PERM1: variants seen among roughly 807,000 people sequenced by gnomAD.
PERM1 encodes the protein PPARGC1 and ESRR induced regulator, muscle 1.
In PERM1, 45 loss-of-function variants were observed where a neutral mutation model predicts 44.1. The observed-to-expected ratio is 1.02, with a 90% CI of 0.80 to 1.31. PERM1 has a LOEUF of 1.31. Among genes scored for constraint, PERM1 ranks in the 50% most tolerant of loss-of-function variants. The pLI is 0.00. For missense variants in PERM1, 1,189 were observed against 1,106.9 expected, an observed-to-expected ratio of 1.07 and a Z score of -1.05; for synonymous variants, 565 against 477.1, an observed-to-expected ratio of 1.18 and a Z score of -2.40.
intron 2 of PERM1, 21 bp from the exon 4 acceptor site, chr1:976,290 C>T: frequency 6.7e-7 from 1 of 1,485,672 alleles, no homozygotes. Context: ...AGCACAGGCT[C>T]TTCTGAGGGC....
exon 1 of PERM1, chr1:979,766 TAGC>T: frequency 6.5e-7 from 1 of 1,550,268 alleles, no homozygotes; most frequent in East Asian, 2.4e-5. Context: ...ACCTCTAGCT[TAGC>T]CACTGGGCCT....
upstream of PERM1, among the ~76,000 whole-genome samples, chr1:981,528 A>T (rs992446374): frequency 7.2e-5 from 11 of 152,200 alleles, no homozygotes; most frequent in African/African-American, 2.7e-4. Context: ...GGTCCATCCC[A>T]GTGCGCCCCA....
At chr1:976,473 C>G in intron 2 of PERM1, 26 bp downstream of exon 3, 2 of 1,549,412 alleles carry the variant, frequency 1.3e-6, no homozygotes, top group Non-Finnish European at 1.7e-6. Flanking sequence ...CTAGGCGCAG[C>G]TCCCTCTGCC....
At chr1:979,320 G>A (rs894371407) in exon 1 of PERM1, 79 of 1,533,958 alleles carry the variant, frequency 5.2e-5, no homozygotes, top group Admixed American at 1.2e-4. Flanking sequence ...TCCCGGGCCC[G>A]ACCCTCGTCA....
chr1:980,675 C>T (rs1243381260), exon 1 of PERM1: 8 of 1,425,746 alleles, frequency 5.6e-6, no homozygotes, highest in East Asian at 2.6e-5. Context: ...GGAGGGCTGG[C>T]GCCGGGGCCG....
exon 1 of PERM1, chr1:979,485 C>G: frequency 1.3e-6 from 2 of 1,547,796 alleles, no homozygotes; most frequent in African/African-American, 1.4e-5. Flanking sequence ...CTGAGCCTGG[C>G]TTATTGGGGC....
chr1:978,886 C>T (rs1007004165), exon 1 of PERM1: 8 of 1,486,040 alleles, frequency 5.4e-6, no homozygotes, highest in Middle Eastern at 2.2e-4. Flanking sequence ...CGTACCTGCC[C>T]GTCTAAGAGC....
chr1:979,150 C>T lies in PERM1; in HGVS notation c.1880G>A (p.Arg627Lys), dbSNP rs1473425016. 5.2e-6 allele frequency: 8 copies of T among 1,549,946 alleles called. No homozygotes were observed. The Admixed American group carries it at 9.8e-5, about 19-fold the overall frequency. Residue 627 changes from arginine to lysine, a missense_variant, in exon 1 of 3, where the codon AGG becomes AAG. Around this residue, in one of 3 missense-constraint regions of PERM1, gnomAD observed 900 missense variants for 760.4 expected, o/e 1.18. Transcript: ENST00000433179. The stretch of plus-strand genomic sequence containing the variant: ...CTCCGGGGACCCCCGCCGCCTCGAC[C>T]TCTGGGCTCCAACGTCTGGGAAGAA...
chr1:976,006 G>T, exon 3 of PERM1: 2 of 685,456 alleles, frequency 2.9e-6, no homozygotes, highest in Admixed American at 3.4e-5. Flanking sequence ...GTGGTCACTG[G>T]CTGGATCCTC....
At chr1:979,505 C>A in exon 1 of PERM1, 13 of 1,549,908 alleles carry the variant, frequency 8.4e-6, no homozygotes, top group Non-Finnish European at 1.1e-5. Flanking sequence ...CTGGGCCCAG[C>A]CACGGAGAAG....
At chr1:979,543 G>A (rs1288156987) in exon 1 of PERM1, 1 of 1,550,026 alleles carries the variant, frequency 6.5e-7, no homozygotes, top group East Asian at 2.4e-5. Context: ...GGGGACTTGG[G>A]TGAGACCCAG....
In PERM1 at chr1:979,199, G is replaced by A. The variant is rs1024114013; in HGVS notation, c.1831C>T (p.Gln611Ter). ...AAGAACTCGCACATGTCCGGCCACT[G>A]GACGCCTGCCGGATCCTGACCGGCC... The change falls in exon 1 of 3, where the codon CAG (glutamine) becomes TAG (stop). Residue 611 changes from glutamine to a stop codon, truncating the protein, a stop_gained. Transcript: ENST00000433179. LOFTEE classifies it high-confidence loss of function. 6.5e-7 allele frequency: 1 copy of A among 1,550,124 alleles called. No individual in the cohort carries two copies. The highest frequency in any genetic ancestry group is 8.7e-7 in the Non-Finnish European group (1 of 1,146,802).
exon 1 of PERM1, chr1:980,078 G>T: frequency 6.5e-7 from 1 of 1,549,864 alleles, no homozygotes; most frequent in Non-Finnish European, 8.7e-7. Context: ...TCGGAGGCAG[G>T]TGTAGACACA....
chr1:980,622 G>A, exon 1 of PERM1: 3 of 1,445,856 alleles, frequency 2.1e-6, no homozygotes, highest in Non-Finnish European at 2.7e-6. Context: ...TCTGCATCTG[G>A]TCTCCAGAAG....
At position 979,918 on chromosome 1, in the gene PERM1, G is replaced by A. The variant is rs560999553; in HGVS notation, c.1112C>T (p.Thr371Met). ...CTCAGAAGCTGGTGTAGACACAGCC[G>A]TGTCAGATTGCGGCTTGGAGGCAGG... Residue 371 changes from threonine to methionine, a missense_variant, in exon 1 of 3, where the codon ACG becomes ATG. Coordinates refer to ENST00000433179, the Ensembl canonical transcript of PERM1. 129 of 1,550,132 alleles carry A rather than the reference G, an allele frequency of 8.3e-5. 1 individual carries two copies. The South Asian group carries it at 1.1e-3, about 13-fold the overall frequency.
exon 1 of PERM1, chr1:979,409 A>T: frequency 6.6e-7 from 1 of 1,518,456 alleles, no homozygotes; most frequent in Non-Finnish European, 8.8e-7. Flanking sequence ...ACAGCCTCCC[A>T]GGCTCCGGGC....
upstream of PERM1, chr1:982,033 G>A: frequency 7.8e-7 from 1 of 1,287,120 alleles, no homozygotes; most frequent in Non-Finnish European, 1.0e-6. Flanking sequence ...GGGGCCCCTT[G>A]GGTCAGGAGC....
exon 1 of PERM1, chr1:980,773 C>A: frequency 1.4e-6 from 2 of 1,402,698 alleles, no homozygotes; most frequent in African/African-American, 2.9e-5. Flanking sequence ...CTGAGACCTG[C>A]TGACCGGCTG....
exon 1 of PERM1, chr1:980,775 G>A: frequency 7.8e-6 from 11 of 1,403,004 alleles, no homozygotes; most frequent in African/African-American, 1.5e-5. Context: ...GAGACCTGCT[G>A]ACCGGCTGCT....
Sources: gnomAD v4.1 joint callset for allele counts (sites outside exome capture counted in the v4.1 genomes callset) on GRCh38, gnomAD v4.1.1 for gene constraint, gnomAD v4.1.1 regional missense constraint, MANE v1.5 for transcripts, NCBI Gene and HGNC (gene_info 2026-07-23, HGNC 2026-07-21) for gene names.